NTM: variants seen among roughly 807,000 people sequenced by gnomAD.
NTM encodes the protein neurotrimin, also known as IgLON family member 2.
Under a neutral mutation model 42.1 loss-of-function variants are expected in NTM, and 13 were observed. The ratio of observed to expected loss-of-function variants is 0.31; its 90% CI spans 0.20 to 0.49. The LOEUF is 0.49. NTM is among the 20% of genes least tolerant of loss of function. NTM has a pLI of 0.99. For missense variants in NTM, 373 were observed against 452.8 expected (o/e 0.82, Z 1.60); for synonymous variants, 187 against 179.2 (o/e 1.04, Z -0.35).
chr11:132,195,688 C>A (rs560114821), intron 3 of NTM, among the ~76,000 whole-genome samples: 1 of 152,224 alleles, frequency 6.6e-6, no homozygotes, highest in South Asian at 2.1e-4. Flanking sequence ...ATAAAGTTGA[C>A]AATAACAAGC....
rs141205464 is a variant in NTM, at chr11:131,403,677, C to T, written c.82+32789C>T. Among the ~76,000 whole-genome samples the T allele has an allele frequency of 3.4e-3, 513 of 152,264 alleles. 3 individuals carry two copies. The highest frequency in any genetic ancestry group is 0.011 in the African/African-American group (439 of 41,558). ...TTTCTTTCTTCAGAGACATCTAATT[C>T]GTATCTTCTCCCCCTCCTCAAAAGT... On this transcript the variant is annotated intron_variant, in intron 1 of 8. Coordinates refer to ENST00000683400, the MANE Select transcript of NTM (RefSeq NM_001352005.2).
At chr11:131,396,923 G>A (rs1466857654) in intron 1 of NTM, among the ~76,000 whole-genome samples, 1 of 152,054 alleles carries the variant, frequency 6.6e-6, no homozygotes, top group Non-Finnish European at 1.5e-5. Context: ...ACCTCTCTGG[G>A]CCTCATTTCC....
At chr11:131,625,083 T>A (rs2062967638) in intron 1 of NTM, among the ~76,000 whole-genome samples, 1 of 152,242 alleles carries the variant, frequency 6.6e-6, no homozygotes. Context: ...CAAAGTAGGA[T>A]GTGCTACACT....
intron 6 of NTM, among the ~76,000 whole-genome samples, chr11:132,311,742 T>C (rs3133913): frequency 0.42 from 64,524 of 151,872 alleles, 13,944 homozygotes; most frequent in East Asian, 0.62. Context: ...TTATTCCAAT[T>C]CTTTATTGGA....
chr11:131,769,530 C>T lies in NTM; in HGVS notation c.83-142034C>T, dbSNP rs538143309. On this transcript the variant is annotated intron_variant, in intron 1 of 8. Transcript: ENST00000683400. ...GGTATTTATAAAGAAGTTATTGTTT[C>T]GTTTCCTTTTTTTTCTGGAAGATCA... 1.9e-4 allele frequency: 143 copies of T among 746,172 alleles called. No individual in the cohort carries two copies. The South Asian group carries it at 6.4e-3, about 33-fold the overall frequency. The allele number at this position is 746,172 out of a possible 1,614,324, so 46.2% of individuals were successfully genotyped here.
At chr11:131,757,428 A>G (rs75789905) in intron 1 of NTM, among the ~76,000 whole-genome samples, 4,427 of 152,258 alleles carry the variant, frequency 0.029, 207 homozygotes, top group African/African-American at 0.098. Flanking sequence ...CGTTTTCCCA[A>G]GGGGTTTTAA....
At chr11:131,608,230 C>T (rs1241133980) in intron 1 of NTM, among the ~76,000 whole-genome samples, 1 of 152,140 alleles carries the variant, frequency 6.6e-6, no homozygotes, top group Non-Finnish European at 1.5e-5. Context: ...ATGAACTCAT[C>T]CTTTTTTATG....
intron 2 of NTM, among the ~76,000 whole-genome samples, chr11:131,961,658 T>A (rs2062183838): frequency 6.6e-6 from 1 of 152,160 alleles, no homozygotes; most frequent in East Asian, 1.9e-4. Flanking sequence ...AGAATCAGAT[T>A]ACACTGGAGC....
At chr11:131,995,344 G>T (rs941120751) in intron 2 of NTM, among the ~76,000 whole-genome samples, 1 of 152,144 alleles carries the variant, frequency 6.6e-6, no homozygotes, top group Non-Finnish European at 1.5e-5. Flanking sequence ...CCATTCTACT[G>T]CAGACTACAA....
At chr11:131,898,862 T>A (rs1454228914) in intron 1 of NTM, among the ~76,000 whole-genome samples, 1 of 152,208 alleles carries the variant, frequency 6.6e-6, no homozygotes, top group Non-Finnish European at 1.5e-5. Flanking sequence ...CACCTTCTGT[T>A]GAGGCCAACG....
chr11:132,274,616 T>C (rs1297803659), intron 4 of NTM, among the ~76,000 whole-genome samples: 2 of 152,162 alleles, frequency 1.3e-5, no homozygotes, highest in South Asian at 2.1e-4. Flanking sequence ...TTTCAATCCA[T>C]TGTGGTCAGA....
chr11:132,198,540 A>C (rs1376480627), intron 3 of NTM, among the ~76,000 whole-genome samples: 4 of 152,188 alleles, frequency 2.6e-5, no homozygotes, highest in African/African-American at 9.7e-5. Context: ...TATACTTAAA[A>C]GTGGCCAAAA....
intron 1 of NTM, among the ~76,000 whole-genome samples, chr11:131,557,218 T>A (rs1016443276): frequency 2.0e-5 from 3 of 152,202 alleles, no homozygotes; most frequent in African/African-American, 7.2e-5. Flanking sequence ...GCTATGTATG[T>A]CTCAGTGGCC....
At chr11:131,483,864 A>C (rs1216971835) in intron 1 of NTM, among the ~76,000 whole-genome samples, 1 of 152,238 alleles carries the variant, frequency 6.6e-6, no homozygotes, top group Non-Finnish European at 1.5e-5. Context: ...GACAAGGAAG[A>C]CTTCTGCCTG....
intron 4 of NTM, among the ~76,000 whole-genome samples, chr11:132,235,826 T>C (rs563752275): frequency 2.6e-4 from 40 of 152,340 alleles, no homozygotes; most frequent in Non-Finnish European, 3.1e-4. Flanking sequence ...ATGCAGTCTA[T>C]TTGAACAATG....
chr11:132,216,331 C>A (rs917542327), intron 4 of NTM, among the ~76,000 whole-genome samples: 2 of 152,164 alleles, frequency 1.3e-5, no homozygotes, highest in African/African-American at 2.4e-5. Flanking sequence ...TCCTACATTG[C>A]CACATTCCTG....
At chr11:131,655,189 G>T (rs1001129351) in intron 1 of NTM, among the ~76,000 whole-genome samples, 1 of 152,202 alleles carries the variant, frequency 6.6e-6, no homozygotes, top group African/African-American at 2.4e-5. Context: ...TACGACTTGA[G>T]TATGCGGGTT....
intron 1 of NTM, among the ~76,000 whole-genome samples, chr11:131,908,225 T>A (rs759288504): frequency 3.9e-5 from 6 of 152,186 alleles, no homozygotes; most frequent in Non-Finnish European, 8.8e-5. Context: ...ACCAAACATC[T>A]CAAAGAGCCT....
At chr11:131,508,785 AC>A (rs60057212) in intron 1 of NTM, among the ~76,000 whole-genome samples, 35,467 of 146,296 alleles carry the variant, frequency 0.24, 2,131 homozygotes, top group Middle Eastern at 0.31. Context: ...TATCGCAAGA[AC>A]AAAAAACCAA....
Sources: gnomAD v4.1 joint callset for allele counts (sites outside exome capture counted in the v4.1 genomes callset) on GRCh38, gnomAD v4.1.1 for gene constraint, MANE v1.5 for transcripts, NCBI Gene and HGNC (gene_info 2026-07-23, HGNC 2026-07-21) for gene names.